CRTC2: variants seen among roughly 807,000 people sequenced by gnomAD.
CRTC2 encodes the protein CREB regulated transcription coactivator 2.
In CRTC2, 25 loss-of-function variants were observed where a neutral mutation model predicts 70.9. That is an observed-to-expected ratio of 0.35 (90% confidence interval 0.26 to 0.49). The LOEUF (loss-of-function observed/expected upper bound fraction) is 0.49. CRTC2 is among the 20% of genes least tolerant of loss of function. CRTC2 has a pLI of 0.98. For missense variants in CRTC2, 737 were observed against 882.6 expected (o/e 0.83, Z 2.09); for synonymous variants, 330 against 364.1 (o/e 0.91, Z 1.07).
chr1:153,953,806 C>T (rs1423073179), intron 4 of CRTC2, among the ~76,000 whole-genome samples, 200 bp from the exon 5 acceptor site: 3 of 152,174 alleles, frequency 2.0e-5, no homozygotes, highest in Non-Finnish European at 4.4e-5. Context: ...AAACTTCTCT[C>T]TGCCAGGACC....
Position 153,948,658 on chromosome 1 carries a change from G to C in CRTC2, c.1675-14C>G, listed in dbSNP as rs774878648. On this transcript the variant is annotated splice_polypyrimidine_tract_variant and intron_variant, in intron 12 of 13. Transcript: ENST00000368633. ...GAACTGCTCCAGCTATAGACATACA[G>C]ACAAATCTTTAGGAAGTAGGATTTA... is the stretch of plus-strand genomic sequence containing the variant. 1.3e-6 allele frequency: 2 copies of C among 1,570,080 alleles called. No homozygotes were observed. The highest frequency in any genetic ancestry group is 2.7e-5 in the African/African-American group (2 of 73,272).
intron 1 of CRTC2, 102 bp from the exon 2 acceptor site, chr1:153,955,268 CT>C (rs1557871518): frequency 6.8e-6 from 6 of 886,104 alleles, no homozygotes; most frequent in Non-Finnish European, 1.1e-5. Flanking sequence ...GCTGCCGCCA[CT>C]GCTTTTAAAA....
At chr1:153,950,467 T>C (rs573165990) in intron 11 of CRTC2, among the ~76,000 whole-genome samples, 3 of 152,036 alleles carry the variant, frequency 2.0e-5, no homozygotes. Context: ...GAACACACAT[T>C]CCAGGGATAG....
rs765420001 is a variant in CRTC2, at chr1:153,953,374, G to T, written c.504-5C>A. The T allele has an allele frequency of 6.3e-7, 1 of 1,595,758 alleles. No individual in the cohort carries two copies. The highest frequency in any genetic ancestry group is 8.6e-7 in the Non-Finnish European group (1 of 1,167,362). ...AGGGCAGAGTCAGAGCTTGTCCTAT[G>T]GGGGGAGCAGGAATGAGCTGACACC... On this transcript the variant is annotated splice_region_variant and splice_polypyrimidine_tract_variant and intron_variant, in intron 5 of 13. Coordinates refer to ENST00000368633, the MANE Select transcript of CRTC2 (RefSeq NM_181715.3).
Position 153,949,176 on chromosome 1 carries a change from C to A in CRTC2, c.1613G>T (p.Gly538Val), listed in dbSNP as rs772578093. The change falls in exon 12 of 14, where the codon GGG (glycine) becomes GTG (valine). Residue 538 changes from glycine to valine, a missense_variant. Physicochemically the swap from Gly to Val is moderately radical, Grantham distance 109. Transcript: ENST00000368633. ...AGACTGTTGCCCATGCCCACTGGGC[C>A]CAGGTGGGTACGGTGTCCCATAATG... ...QSHYGTPYPP[G>V]PSGHGQQSYH... is the part of the protein sequence containing the mutation. 1 of 1,613,940 alleles carries A rather than the reference C, an allele frequency of 6.2e-7. No individual in the cohort carries two copies. Among genetic ancestry groups the A allele is most frequent in the South Asian group, 1.1e-5 (1 of 91,054 alleles).
In CRTC2 at chr1:153,952,218, G is replaced by C. The variant is rs1302797531; in HGVS notation, c.797C>G (p.Pro266Arg). The change falls in exon 10 of 14, where the codon CCA becomes CGA. Residue 266 changes from proline to arginine, a missense_variant. Physicochemically the swap from Pro to Arg is moderately radical, Grantham distance 103 (BLOSUM62 -2). This residue lies in a region of CRTC2 where 699 missense variants were observed against 823.7 expected (regional missense o/e 0.85). Transcript: ENST00000368633. ...PDQPANVPVLPPAMNTGGSLP... is the reference protein window; with the variant it reads ...PDQPANVPVLRPAMNTGGSLP... ...GGAGCCCCCCGTGTTCATGGCAGGT[G>C]GGAGGACAGGCACATTGGCAGGCTG... 5 of 1,612,338 alleles carry C rather than the reference G, an allele frequency of 3.1e-6. No homozygotes were observed. Among genetic ancestry groups the C allele is most frequent in the Non-Finnish European group, 2.5e-6 (3 of 1,178,810 alleles).
rs779135391 is a variant in CRTC2, at chr1:153,951,348, G to A, written c.1316C>T (p.Ala439Val). ...RVPLSPLSLL[A>V]GPADARRSQQ... The stretch of plus-strand genomic sequence containing the variant: ...GGACCTTCTGGCGTCGGCTGGGCCC[G>A]CGAGCAAACTCAGGGGGCTGAGGGG... The change falls in exon 11 of 14, where the codon GCG becomes GTG. Residue 439 changes from alanine to valine, a missense_variant. By Grantham distance (64) the Ala-to-Val change is moderately conservative. This residue lies in a region of CRTC2 where 699 missense variants were observed against 823.7 expected (regional missense o/e 0.85). Coordinates refer to ENST00000368633, the MANE Select transcript of CRTC2 (RefSeq NM_181715.3). The A allele has an allele frequency of 2.0e-5, 32 of 1,613,336 alleles. No individual in the cohort carries two copies. Among genetic ancestry groups the A allele is most frequent in the Admixed American group, 8.4e-5 (5 of 59,866 alleles).
intron 11 of CRTC2, 114 bp from the exon 12 acceptor site, chr1:153,949,498 A>C: frequency 1.7e-6 from 2 of 1,144,702 alleles, no homozygotes; most frequent in Non-Finnish European, 2.4e-6. Flanking sequence ...ACATGACAAC[A>C]TTCCACATTC....
chr1:153,953,560 G>A lies in CRTC2; in HGVS notation c.481C>T (p.Arg161Ter). The A allele has an allele frequency of 1.2e-6, 2 of 1,611,226 alleles. No homozygotes were observed. Among genetic ancestry groups the A allele is most frequent in the Non-Finnish European group, 1.7e-6 (2 of 1,179,334 alleles). ...CACCTGTTAAGTGCAGATGGTAGTC[G>A]AAACAACTGCCCCTTCTCTGCAGGG... ...NFPAEKGQLF[R>*]LPSALNRTSS... is the part of the protein sequence containing the mutation. The change falls in exon 5 of 14, where the codon CGA becomes TGA. Residue 161 changes from arginine (R) to a stop codon, truncating the protein, a stop_gained. Coordinates refer to ENST00000368633, the MANE Select transcript of CRTC2 (RefSeq NM_181715.3). LOFTEE classifies it high-confidence loss of function.
At chr1:153,951,964 C>T (rs1408088493) in intron 10 of CRTC2, 54 bp downstream of exon 10, 2 of 1,576,146 alleles carry the variant, frequency 1.3e-6, no homozygotes, top group African/African-American at 2.7e-5. Context: ...ACCTCCCCTT[C>T]ATCCCTCCAG....
rs933297428 is a variant in CRTC2 at position 153,948,749 on chromosome 1, G to C, written c.1675-105C>G. 5 of 1,298,492 alleles carry C rather than the reference G, an allele frequency of 3.9e-6. No homozygotes were observed. In the African/African-American group the frequency reaches 5.8e-5, roughly 15 times the overall value. 80.4% of individuals were successfully genotyped at this position (1,298,492 alleles called of 1,614,324 possible). ...GCCCAGCAACCTTCATCCACCCCAG[G>C]AACAGAGGCAATGACAGAGGGAGGT... On this transcript the variant is annotated intron_variant, in intron 12 of 13. Transcript: ENST00000368633.
intron 11 of CRTC2, among the ~76,000 whole-genome samples, chr1:153,949,980 G>C (rs1680238398): frequency 6.6e-6 from 1 of 152,220 alleles, no homozygotes; most frequent in Non-Finnish European, 1.5e-5. Context: ...GCCCAGGCTG[G>C]AGTACAGTGG....
intron 11 of CRTC2, 106 bp from the exon 12 acceptor site, chr1:153,949,490 A>G (rs1053821557): frequency 4.9e-6 from 6 of 1,219,308 alleles, no homozygotes; most frequent in Admixed American, 5.6e-5. Flanking sequence ...CAAAACAAAC[A>G]TGACAACATT....
chr1:153,950,695 G>C (rs548606229), intron 11 of CRTC2, among the ~76,000 whole-genome samples: 1 of 152,138 alleles, frequency 6.6e-6, no homozygotes, highest in South Asian at 2.1e-4. Context: ...TTTCCCTCTA[G>C]GTCCCACTTT....
intron 6 of CRTC2, 44 bp downstream of exon 6, chr1:153,953,222 A>G (rs1330933638): frequency 3.2e-6 from 3 of 939,772 alleles, no homozygotes; most frequent in South Asian, 3.8e-5. Flanking sequence ...TAAATAAATA[A>G]ATAGCTCCAT....
Position 153,953,375 on chromosome 1 carries a change from G to C in CRTC2, c.504-6C>G, listed in dbSNP as rs1296922809. ...GGGCAGAGTCAGAGCTTGTCCTATG[G>C]GGGGAGCAGGAATGAGCTGACACCA... On this transcript the variant is annotated splice_region_variant and splice_polypyrimidine_tract_variant and intron_variant, in intron 5 of 13. Coordinates refer to ENST00000368633, the MANE Select transcript of CRTC2 (RefSeq NM_181715.3). The C allele has an allele frequency of 1.3e-6, 2 of 1,597,824 alleles. No individual in the cohort carries two copies. The highest frequency in any genetic ancestry group is 1.7e-6 in the Non-Finnish European group (2 of 1,169,046).
At chr1:153,954,812 G>GAGGAACC in intron 3 of CRTC2, 61 bp downstream of exon 3, 1 of 1,420,018 alleles carries the variant, frequency 7.0e-7, no homozygotes, top group Admixed American at 1.7e-5. Flanking sequence ...CTTCCTATGA[G>GAGGAACC]TCCCTGAGGA....
At chr1:153,951,733 A>ATTCTGGGTG in intron 10 of CRTC2, 67 bp from the exon 11 acceptor site, 2 of 1,551,946 alleles carry the variant, frequency 1.3e-6, no homozygotes, top group Non-Finnish European at 1.8e-6. Flanking sequence ...CTTTCCACCC[A>ATTCTGGGTG]GAATGGGTGG....
Position 153,953,762 on chromosome 1 carries a change from T to C in CRTC2, c.435-156A>G, listed in dbSNP as rs72694264. On this transcript the variant is annotated intron_variant, in intron 4 of 13. Coordinates refer to ENST00000368633, the MANE Select transcript of CRTC2 (RefSeq NM_181715.3). ...TTTCTGGTTCTTCTCCTGCCTATGA[T>C]TGACCCCTCCCCCAGTCAATCTAAG... Among the ~76,000 whole-genome samples, 241 of 152,042 alleles carry C rather than the reference T, an allele frequency of 1.6e-3. 1 individual carries two copies. The highest frequency in any genetic ancestry group is 2.5e-3 in the Non-Finnish European group (169 of 67,932).
Sources: allele counts gnomAD v4.1 joint callset (sites outside exome capture counted in the v4.1 genomes callset), GRCh38; gene constraint gnomAD v4.1.1; regional missense constraint gnomAD v4.1.1; transcripts MANE v1.5; gene names NCBI Gene and HGNC (gene_info 2026-07-23, HGNC 2026-07-21).